The following PMS1 variants were observed in gnomAD, a reference collection of about 807,000 sequenced individuals.
The protein encoded by PMS1 is PMS1 homolog 1, mismatch repair system component, also known as PMS1 protein homolog 1.
PMS1 carries 79 observed loss-of-function variants against 93.1 expected under a neutral mutation model. The observed-to-expected ratio is 0.85, with a 90% CI of 0.71 to 1.02. The LOEUF is 1.02. Among genes scored for constraint, PMS1 ranks in the 50% least tolerant of loss-of-function variants. The probability of loss-of-function intolerance (pLI) is 0.00; values close to 1 mark genes in which losing one functional copy is unlikely to be tolerated. For synonymous variants in PMS1, 335 were observed against 363.4 expected (o/e 0.92, Z 0.89); for missense variants, 1,064 against 1,085.3 (o/e 0.98, Z 0.28).
intron 7 of PMS1, among the ~76,000 whole-genome samples, chr2:189,853,246 G>C (rs1304389105): frequency 6.6e-6 from 1 of 151,920 alleles, no homozygotes; most frequent in African/African-American, 2.4e-5. Flanking sequence ...TAGTAGAGAT[G>C]GGGTTTCACC....
chr2:189,844,780 T>A (rs1362496504), intron 6 of PMS1, among the ~76,000 whole-genome samples: 1 of 152,000 alleles, frequency 6.6e-6, no homozygotes, highest in East Asian at 1.9e-4. Context: ...ACTCAAACTT[T>A]TCTTCTTACT....
intron 12 of PMS1, among the ~76,000 whole-genome samples, chr2:189,874,548 T>C (rs1005394842): frequency 6.6e-6 from 1 of 152,224 alleles, no homozygotes; most frequent in African/African-American, 2.4e-5. Flanking sequence ...CTATATATCT[T>C]GTTCTAGATA....
Position 189,813,090 on chromosome 2 carries a change from G to A in PMS1, c.419-4927G>A, listed in dbSNP as rs183359516. ...TAAGATACTGTCTTCAACTACTAGGGTTTGAGGGGAGGGAAAGGACTTGAC... is the reference window on the plus strand; with the variant it reads ...TAAGATACTGTCTTCAACTACTAGGATTTGAGGGGAGGGAAAGGACTTGAC... On this transcript the variant is annotated intron_variant, in intron 4 of 12. Coordinates refer to ENST00000441310, the MANE Select transcript of PMS1 (RefSeq NM_000534.5). 2.3e-3 allele frequency among the ~76,000 whole-genome samples: 357 copies of A among 152,272 alleles called. 2 individuals are homozygous for A. Among genetic ancestry groups the A allele is most frequent in the Middle Eastern group, 0.01 (3 of 294 alleles).
intron 5 of PMS1, among the ~76,000 whole-genome samples, chr2:189,820,732 A>C (rs1035624776): frequency 1.3e-5 from 2 of 152,214 alleles, no homozygotes; most frequent in African/African-American, 4.8e-5. Context: ...GGGAACTTAA[A>C]GCTCAGAGCA....
intron 3 of PMS1, among the ~76,000 whole-genome samples, chr2:189,799,286 C>T (rs5742996): frequency 6.5e-4 from 99 of 152,198 alleles, no homozygotes; most frequent in African/African-American, 2.3e-3. Context: ...ATGGAGTTTC[C>T]TTTCTTACAA....
intron 6 of PMS1, among the ~76,000 whole-genome samples, chr2:189,844,464 T>G (rs1257193484): frequency 1.3e-5 from 2 of 151,954 alleles, no homozygotes; most frequent in Admixed American, 1.3e-4. Context: ...GCCAACATGG[T>G]GAAACCCTGT....
intron 6 of PMS1, among the ~76,000 whole-genome samples, chr2:189,849,415 G>A (rs913657809): frequency 6.6e-6 from 1 of 151,896 alleles, no homozygotes; most frequent in Non-Finnish European, 1.5e-5. Flanking sequence ...TTGATTTATA[G>A]CTACCAATTC....
rs1575080805 is a variant in PMS1 at position 189,805,680 on chromosome 2, A to G, written c.344A>G (p.Asp115Gly). The change falls in exon 4 of 13, where the codon GAT becomes GGT. Residue 115 changes from aspartate to glycine, a missense_variant. Transcript: ENST00000441310. ...TTAATTACAACAAGAACGGCTGCTG[A>G]TAATTTTAGCACCCAGTATGTTTTA... is the stretch of plus-strand genomic sequence containing the variant. ...EVLITTRTAA[D>G]NFSTQYVLDG... 1 of 1,613,870 alleles carries G rather than the reference A, an allele frequency of 6.2e-7. No homozygotes were observed. Among genetic ancestry groups the G allele is most frequent in the East Asian group, 2.2e-5 (1 of 44,828 alleles).
At chr2:189,859,155 C>A (rs1233559181) in intron 9 of PMS1, among the ~76,000 whole-genome samples, 1 of 152,004 alleles carries the variant, frequency 6.6e-6, no homozygotes, top group Non-Finnish European at 1.5e-5. Flanking sequence ...CATTACTCGC[C>A]CCTTTGTTGT....
chr2:189,809,067 G>A (rs1221405005), intron 4 of PMS1, among the ~76,000 whole-genome samples: 1 of 152,146 alleles, frequency 6.6e-6, no homozygotes, highest in Non-Finnish European at 1.5e-5. Flanking sequence ...TTCCTACCCT[G>A]TTACTAGAGT....
intron 3 of PMS1, among the ~76,000 whole-genome samples, chr2:189,798,914 G>A (rs2049619048): frequency 6.6e-6 from 1 of 152,074 alleles, no homozygotes; most frequent in African/African-American, 2.4e-5. Context: ...AATTAGCTTT[G>A]CCTACTAGGT....
At position 189,872,902 on chromosome 2, in the gene PMS1, A is replaced by T. The variant is rs146166226; in HGVS notation, c.2474-594A>T. Among the ~76,000 whole-genome samples, 787 of 152,206 alleles carry T rather than the reference A, an allele frequency of 5.2e-3. 6 individuals are homozygous for T. Among genetic ancestry groups the T allele is most frequent in the African/African-American group, 0.018 (741 of 41,526 alleles). The stretch of plus-strand genomic sequence containing the variant: ...GCCTGCCTCGGCCTCCCAAAGTGCT[A>T]GGATTGCAGGTGTGAGCCACTATGC... On this transcript the variant is annotated intron_variant, in intron 11 of 12. Coordinates refer to ENST00000441310, the MANE Select transcript of PMS1 (RefSeq NM_000534.5).
intron 1 of PMS1, among the ~76,000 whole-genome samples, chr2:189,787,536 A>G (rs1559203279): frequency 6.6e-6 from 1 of 152,204 alleles, no homozygotes; most frequent in Non-Finnish European, 1.5e-5. Context: ...ATAGGACAAA[A>G]TGATATTTGA....
At chr2:189,849,895 G>A (rs256575) in intron 6 of PMS1, among the ~76,000 whole-genome samples, 11,350 of 137,584 alleles carry the variant, frequency 0.082, 814 homozygotes, top group African/African-American at 0.21. Context: ...TTGGAGAAGA[G>A]GTGCTATATG....
intron 1 of PMS1, among the ~76,000 whole-genome samples, chr2:189,787,151 G>A (rs1253873697): frequency 6.6e-6 from 1 of 152,204 alleles, no homozygotes; most frequent in Non-Finnish European, 1.5e-5. Flanking sequence ...TATTTAGAAG[G>A]TAGATGGAAG....
chr2:189,863,576 T>C (rs5743159), intron 9 of PMS1, among the ~76,000 whole-genome samples, 167 bp from the exon 10 acceptor site: 2,514 of 152,280 alleles, frequency 0.017, 34 homozygotes, highest in Non-Finnish European at 0.026. Context: ...TTTTTATATT[T>C]TGTTCAGTGT....
chr2:189,826,616 A>G (rs1432135801), intron 5 of PMS1, among the ~76,000 whole-genome samples: 1 of 152,168 alleles, frequency 6.6e-6, no homozygotes, highest in East Asian at 1.9e-4. Context: ...GTTTGTAAGC[A>G]CTATTAGGAG....
At chr2:189,845,639 C>A (rs2054191608) in intron 6 of PMS1, among the ~76,000 whole-genome samples, 1 of 152,164 alleles carries the variant, frequency 6.6e-6, no homozygotes, top group African/African-American at 2.4e-5. Flanking sequence ...CTGCACAACT[C>A]TCATCTTCAG....
intron 3 of PMS1, among the ~76,000 whole-genome samples, chr2:189,800,914 CTTTA>C (rs1036970562): frequency 2.0e-5 from 3 of 152,156 alleles, no homozygotes; most frequent in East Asian, 1.9e-4. Flanking sequence ...ATTCTTTGTT[CTTTA>C]TTTATATACT....
Sources: allele counts gnomAD v4.1 joint callset (sites outside exome capture counted in the v4.1 genomes callset), GRCh38; gene constraint gnomAD v4.1.1; transcripts MANE v1.5; gene names NCBI Gene and HGNC (gene_info 2026-07-23, HGNC 2026-07-21).